Variants in PTPRK observed in about 807,000 individuals in gnomAD.
The protein encoded by PTPRK is receptor-type tyrosine-protein phosphatase kappa.
In PTPRK, 75 loss-of-function variants were observed where a neutral mutation model predicts 178.0. That is an observed-to-expected ratio of 0.42 (90% CI 0.35 to 0.51). The LOEUF (loss-of-function observed/expected upper bound fraction) is 0.51. Among genes scored for constraint, PTPRK ranks in the 20% least tolerant of loss-of-function variants. The probability of loss-of-function intolerance (pLI) is 0.02; values close to 1 mark genes in which losing one functional copy is unlikely to be tolerated. For synonymous variants in PTPRK, 637 were observed against 620.6 expected, an observed-to-expected ratio of 1.03 and a Z score of -0.39; for missense variants, 1,441 against 1,797.8, an observed-to-expected ratio of 0.80 and a Z score of 3.59.
At chr6:128,049,740 A>T (rs572163880) in intron 13 of PTPRK, among the ~76,000 whole-genome samples, 3 of 152,216 alleles carry the variant, frequency 2.0e-5, no homozygotes, top group African/African-American at 7.2e-5. Flanking sequence ...ATCGCAGTAT[A>T]AATTCTTGAT....
intron 13 of PTPRK, among the ~76,000 whole-genome samples, chr6:128,057,286 C>A (rs1221766759): frequency 6.6e-6 from 1 of 152,154 alleles, no homozygotes; most frequent in Non-Finnish European, 1.5e-5. Context: ...GTTAACGTAG[C>A]AGGACTAAGA....
chr6:128,352,253 C>CAAAAAAAAAA (rs10665459), intron 2 of PTPRK, among the ~76,000 whole-genome samples: 1 of 94,982 alleles, frequency 1.1e-5, no homozygotes, highest in Non-Finnish European at 2.0e-5. Context: ...GACTTCATCT[C>CAAAAAAAAAA]AAAAAAAAAA....
chr6:128,243,703 AT>A (rs999179899), intron 3 of PTPRK, among the ~76,000 whole-genome samples: 2 of 151,868 alleles, frequency 1.3e-5, no homozygotes, highest in African/African-American at 4.8e-5. Context: ...CTAAAAAAAA[AT>A]AACAATAATA....
intron 13 of PTPRK, among the ~76,000 whole-genome samples, chr6:128,042,428 G>C (rs1379057274): frequency 1.3e-5 from 2 of 151,978 alleles, no homozygotes; most frequent in African/African-American, 4.8e-5. Flanking sequence ...ACAGACTCAA[G>C]GGAGATAATC....
At chr6:128,358,367 A>G (rs1834241446) in intron 2 of PTPRK, among the ~76,000 whole-genome samples, 1 of 152,340 alleles carries the variant, frequency 6.6e-6, no homozygotes, top group South Asian at 2.1e-4. Flanking sequence ...ACCATGGGTC[A>G]TGGGGTTTGT....
intron 10 of PTPRK, among the ~76,000 whole-genome samples, chr6:128,079,911 G>C (rs1376145256): frequency 6.6e-6 from 1 of 151,936 alleles, no homozygotes; most frequent in African/African-American, 2.4e-5. Flanking sequence ...CTAACACACA[G>C]ATTATAGCCC....
chr6:128,012,567 C>A (rs993815551), intron 13 of PTPRK, among the ~76,000 whole-genome samples: 13 of 150,926 alleles, frequency 8.6e-5, no homozygotes, highest in African/African-American at 2.9e-4. Context: ...GTTCAGAAGC[C>A]AAGAGAAGCA....
intron 13 of PTPRK, among the ~76,000 whole-genome samples, chr6:128,014,135 C>T (rs573541577): frequency 2.6e-5 from 4 of 151,670 alleles, no homozygotes; most frequent in African/African-American, 4.8e-5. Context: ...TCAGTTATCT[C>T]CTTAAAAAAC....
intron 14 of PTPRK, chr6:128,008,048 A>T: frequency 7.4e-7 from 1 of 1,345,654 alleles, no homozygotes; most frequent in Non-Finnish European, 9.9e-7. Flanking sequence ...ATGCATACCT[A>T]ATGTTTCTAA....
In PTPRK at chr6:128,099,462, T is replaced by C. The variant is rs947767251; in HGVS notation, c.1163-9470A>G. 4.6e-5 allele frequency among the ~76,000 whole-genome samples: 7 copies of C among 152,142 alleles called. No homozygotes were observed. The East Asian group carries it at 9.6e-4, about 21-fold the overall frequency. Reference sequence around the variant, plus strand: ...AATTACATTATAATGATATTCCAAGTATGTTCTTCTCATTTTGTTCCTTAG... The same window carrying C: ...AATTACATTATAATGATATTCCAAGCATGTTCTTCTCATTTTGTTCCTTAG... On this transcript the variant is annotated intron_variant, in intron 7 of 29. Coordinates refer to ENST00000368226, the MANE Select transcript of PTPRK (RefSeq NM_002844.4).
At chr6:128,042,068 T>C (rs1777274082) in intron 13 of PTPRK, among the ~76,000 whole-genome samples, 1 of 151,938 alleles carries the variant, frequency 6.6e-6, no homozygotes, top group South Asian at 2.1e-4. Context: ...CAGTTTCCAA[T>C]ATGTCCTTTA....
At chr6:128,443,634 G>A (rs1012176229) in intron 1 of PTPRK, among the ~76,000 whole-genome samples, 6 of 152,164 alleles carry the variant, frequency 3.9e-5, no homozygotes, top group Non-Finnish European at 8.8e-5. Flanking sequence ...CTTAATACTT[G>A]AAGGTGAGGC....
At chr6:128,218,090 A>G (rs886889076) in intron 6 of PTPRK, among the ~76,000 whole-genome samples, 16 of 152,092 alleles carry the variant, frequency 1.1e-4, no homozygotes, top group Non-Finnish European at 2.2e-4. Flanking sequence ...CTTAACTAAA[A>G]TATCAATTTC....
chr6:128,123,471 T>A (rs1189282377), intron 7 of PTPRK, among the ~76,000 whole-genome samples: 1 of 152,210 alleles, frequency 6.6e-6, no homozygotes, highest in African/African-American at 2.4e-5. Flanking sequence ...AATAAATTTT[T>A]AGAATAGTTA....
intron 18 of PTPRK, among the ~76,000 whole-genome samples, chr6:127,994,547 A>G (rs1776933851): frequency 6.6e-6 from 1 of 151,816 alleles, no homozygotes; most frequent in African/African-American, 2.4e-5. Flanking sequence ...GTACAGAGAG[A>G]GAAGTAACAT....
chr6:128,003,205 G>T (rs1004501887), intron 15 of PTPRK: 48 of 1,604,234 alleles, frequency 3.0e-5, no homozygotes, highest in Non-Finnish European at 3.9e-5. Context: ...ACCTAACACA[G>T]CAGTCGGTAC....
intron 13 of PTPRK, among the ~76,000 whole-genome samples, chr6:128,056,177 T>C (rs1562503964): frequency 6.6e-6 from 1 of 151,870 alleles, no homozygotes; most frequent in African/African-American, 2.4e-5. Flanking sequence ...CCCTCTTTCC[T>C]CTTTAATTTC....
intron 1 of PTPRK, among the ~76,000 whole-genome samples, chr6:128,436,022 A>G (rs1845557966): frequency 6.6e-6 from 1 of 151,404 alleles, no homozygotes; most frequent in Middle Eastern, 3.4e-3. Flanking sequence ...ATATATAGCA[A>G]CAATTTTACC....
intron 6 of PTPRK, among the ~76,000 whole-genome samples, chr6:128,187,315 C>G (rs1437866012): frequency 6.6e-6 from 1 of 151,938 alleles, no homozygotes; most frequent in African/African-American, 2.4e-5. Flanking sequence ...AACATTAATT[C>G]CAACATTTCT....
Sources: gnomAD v4.1 joint callset for allele counts (sites outside exome capture counted in the v4.1 genomes callset) on GRCh38, gnomAD v4.1.1 for gene constraint, MANE v1.5 for transcripts, NCBI Gene and HGNC (gene_info 2026-07-23, HGNC 2026-07-21) for gene names.